Variants in EPHA5 observed in about 807,000 individuals in gnomAD.
EPHA5 encodes the protein EPH receptor A5, also known as ephrin type-A receptor 5.
In EPHA5, 60 loss-of-function variants were observed where a neutral mutation model predicts 105.0. The ratio of observed to expected loss-of-function variants is 0.57; its 90% CI spans 0.46 to 0.71. The LOEUF (loss-of-function observed/expected upper bound fraction) is 0.71. EPHA5 is among the 30% of genes least tolerant of loss of function. EPHA5 has a pLI of 0.00. For synonymous variants in EPHA5, 513 were observed against 449.1 expected (o/e 1.14, Z -1.80); for missense variants, 1,218 against 1,274.7 (o/e 0.96, Z 0.68).
At chr4:65,538,370 G>A (rs928288728) in intron 3 of EPHA5, among the ~76,000 whole-genome samples, 4 of 151,730 alleles carry the variant, frequency 2.6e-5, no homozygotes, top group African/African-American at 9.6e-5. Context: ...TAAATGTTAT[G>A]GATGCACATT....
intron 8 of EPHA5, among the ~76,000 whole-genome samples, chr4:65,389,898 C>A (rs1453726891): frequency 1.3e-5 from 2 of 151,918 alleles, no homozygotes; most frequent in Non-Finnish European, 1.5e-5. Flanking sequence ...AATTAATTTC[C>A]ACAGGGAGGT....
chr4:65,467,944 G>T lies in EPHA5; in HGVS notation c.1402+22433C>A, dbSNP rs528252779. Among the ~76,000 whole-genome samples, 25 of 152,228 alleles carry T rather than the reference G, an allele frequency of 1.6e-4. 1 individual carries two copies. The highest frequency in any genetic ancestry group is 6.0e-4 in the African/African-American group (25 of 41,552). On this transcript the variant is annotated intron_variant, in intron 5 of 16. Transcript: ENST00000613740. ...GGAAGAAGAGGACCAGCAGCCAAAT[G>T]CATCTTTCCTCTAGAACCTAGAAAG...
At chr4:65,585,120 T>TTGTGTG (rs76180882) in intron 3 of EPHA5, among the ~76,000 whole-genome samples, 70,131 of 148,810 alleles carry the variant, frequency 0.47, 17,650 homozygotes, top group Middle Eastern at 0.62. Context: ...GCATGTGTGT[T>TTGTGTG]TGTGTGTGTG....
At chr4:65,642,012 T>TACA (rs1394914097) in intron 2 of EPHA5, among the ~76,000 whole-genome samples, 1 of 152,050 alleles carries the variant, frequency 6.6e-6, no homozygotes, top group Non-Finnish European at 1.5e-5. Context: ...ACACCATACG[T>TACA]ATACTCTCAT....
chr4:65,402,957 C>T (rs1344695077), intron 8 of EPHA5, among the ~76,000 whole-genome samples: 9 of 152,114 alleles, frequency 5.9e-5, no homozygotes. Context: ...CAGTGGGGCA[C>T]TAGATAGCTA....
At chr4:65,434,106 G>A (rs1306283389) in intron 5 of EPHA5, among the ~76,000 whole-genome samples, 1 of 152,014 alleles carries the variant, frequency 6.6e-6, no homozygotes, top group Non-Finnish European at 1.5e-5. Context: ...CTCTGGTTCA[G>A]TAGTCACATC....
intron 5 of EPHA5, among the ~76,000 whole-genome samples, chr4:65,433,613 A>G (rs1725199741): frequency 6.6e-6 from 1 of 152,154 alleles, no homozygotes; most frequent in Non-Finnish European, 1.5e-5. Context: ...ACACAGATCT[A>G]TTATCTTACG....
chr4:65,409,540 T>C (rs1371536054), intron 7 of EPHA5, among the ~76,000 whole-genome samples: 1 of 152,120 alleles, frequency 6.6e-6, no homozygotes, highest in East Asian at 1.9e-4. Context: ...TGTAGACCCA[T>C]ATTATGTGGA....
intron 13 of EPHA5, 130 bp downstream of exon 13, chr4:65,351,259 C>G: frequency 1.1e-5 from 8 of 761,516 alleles, no homozygotes; most frequent in Non-Finnish European, 1.6e-5. Flanking sequence ...TTCTCTCTCC[C>G]TCTCCCCCTC....
intron 2 of EPHA5, among the ~76,000 whole-genome samples, chr4:65,640,455 T>G (rs1274516540): frequency 1.3e-5 from 2 of 151,780 alleles, no homozygotes; most frequent in African/African-American, 2.4e-5. Flanking sequence ...CCAGCTAATT[T>G]TTATGTATTT....
At chr4:65,500,978 A>G (rs1241671842) in intron 3 of EPHA5, among the ~76,000 whole-genome samples, 1 of 151,282 alleles carries the variant, frequency 6.6e-6, no homozygotes, top group Non-Finnish European at 1.5e-5. Context: ...AATCACTATG[A>G]ACAAGATTTA....
chr4:65,455,936 C>T (rs1269927550), intron 5 of EPHA5, among the ~76,000 whole-genome samples: 1 of 152,172 alleles, frequency 6.6e-6, no homozygotes, highest in African/African-American at 2.4e-5. Flanking sequence ...GTTTCTTACA[C>T]ATTTTATAGT....
intron 8 of EPHA5, among the ~76,000 whole-genome samples, chr4:65,393,586 T>G (rs1720929545): frequency 6.6e-6 from 1 of 152,192 alleles, no homozygotes; most frequent in Non-Finnish European, 1.5e-5. Context: ...ATAACTTCAT[T>G]TTAATCAATG....
intron 3 of EPHA5, among the ~76,000 whole-genome samples, chr4:65,558,088 G>T (rs999108120): frequency 6.6e-6 from 1 of 151,948 alleles, no homozygotes; most frequent in Non-Finnish European, 1.5e-5. Flanking sequence ...TGTTGGCCAG[G>T]CTGGTCTCAA....
intron 2 of EPHA5, among the ~76,000 whole-genome samples, chr4:65,624,342 T>C (rs1434267267): frequency 2.6e-5 from 4 of 152,180 alleles, no homozygotes; most frequent in African/African-American, 9.7e-5. Flanking sequence ...CAGGCATACT[T>C]GTCATTATTC....
chr4:65,559,659 T>A (rs1738811096), intron 3 of EPHA5, among the ~76,000 whole-genome samples: 1 of 152,148 alleles, frequency 6.6e-6, no homozygotes, highest in Admixed American at 6.6e-5. Context: ...CAAAGGCCCA[T>A]GAGCTTATGT....
chr4:65,393,095 A>G (rs1471760031), intron 8 of EPHA5, among the ~76,000 whole-genome samples: 8 of 152,192 alleles, frequency 5.3e-5, no homozygotes, highest in Admixed American at 1.3e-4. Context: ...AAAGTTTGAT[A>G]TAAGACTTCA....
chr4:65,594,220 T>C (rs959009016), intron 3 of EPHA5, among the ~76,000 whole-genome samples: 1 of 152,162 alleles, frequency 6.6e-6, no homozygotes, highest in Admixed American at 6.5e-5. Flanking sequence ...ATTATCATGT[T>C]ATAAAAATGT....
intron 5 of EPHA5, among the ~76,000 whole-genome samples, chr4:65,427,169 A>T (rs1724517502): frequency 6.8e-6 from 1 of 148,128 alleles, no homozygotes; most frequent in Non-Finnish European, 1.5e-5. Context: ...TAGTAATTAT[A>T]AAACTCGAGT....
Sources: allele counts gnomAD v4.1 joint callset (sites outside exome capture counted in the v4.1 genomes callset), GRCh38; gene constraint gnomAD v4.1.1; transcripts MANE v1.5; gene names NCBI Gene and HGNC (gene_info 2026-07-23, HGNC 2026-07-21).